The following EYS variants were observed in gnomAD, a reference collection of about 807,000 sequenced individuals.
The protein encoded by EYS is EGF-like photoreceptor maintenance factor, also known as protein eyes shut homolog.
EYS carries 250 observed loss-of-function variants against 282.1 expected under a neutral mutation model. That is an observed-to-expected ratio of 0.89 (90% confidence interval 0.80 to 0.98). The LOEUF is 0.98. Among genes scored for constraint, EYS ranks in the 50% least tolerant of loss-of-function variants. The pLI is 0.00. For synonymous variants in EYS, 1,355 were observed against 1,282.9 expected, an observed-to-expected ratio of 1.06 and a Z score of -1.20; for missense variants, 4,016 against 3,709.0, an observed-to-expected ratio of 1.08 and a Z score of -2.15.
chr6:64,919,234 C>T (rs898365790), intron 15 of EYS, among the ~76,000 whole-genome samples: 1 of 151,864 alleles, frequency 6.6e-6, no homozygotes, highest in Non-Finnish European at 1.5e-5. Context: ...TGCAGTGGCG[C>T]GTTCTCGGCT....
intron 31 of EYS, among the ~76,000 whole-genome samples, chr6:64,190,671 G>C (rs1164403375): frequency 6.6e-6 from 1 of 152,112 alleles, no homozygotes; most frequent in African/African-American, 2.4e-5. Context: ...CGATGAGACT[G>C]GAATCCAGGT....
chr6:64,666,478 C>T (rs1016839497), intron 22 of EYS, among the ~76,000 whole-genome samples: 1 of 152,232 alleles, frequency 6.6e-6, no homozygotes, highest in Non-Finnish European at 1.5e-5. Flanking sequence ...GTTCCCATGA[C>T]ATTCCCATTC....
chr6:65,078,535 A>C (rs1774127971), intron 12 of EYS, among the ~76,000 whole-genome samples: 1 of 152,094 alleles, frequency 6.6e-6, no homozygotes, highest in South Asian at 2.1e-4. Flanking sequence ...AACCTAAGCC[A>C]CTGAAGGTAT....
intron 2 of EYS, among the ~76,000 whole-genome samples, chr6:65,601,192 CTAAATACATTAAGAT>C (rs1037185302): frequency 6.6e-6 from 1 of 151,684 alleles, no homozygotes; most frequent in Non-Finnish European, 1.5e-5. Context: ...CAAGCATAGC[CTAAATACATTAAGAT>C]TAAATACATT....
chr6:63,992,574 A>G (rs1164273738), intron 34 of EYS, among the ~76,000 whole-genome samples: 3 of 151,820 alleles, frequency 2.0e-5, no homozygotes, highest in Non-Finnish European at 4.4e-5. Context: ...TAAAATGTAA[A>G]TGTACTGCTA....
chr6:64,180,764 A>G (rs898124099), intron 31 of EYS, among the ~76,000 whole-genome samples: 1 of 152,268 alleles, frequency 6.6e-6, no homozygotes. Flanking sequence ...AAGATTCCAA[A>G]AAAAGATCTT....
chr6:64,992,652 T>C (rs72875962), intron 14 of EYS, among the ~76,000 whole-genome samples: 10,241 of 152,032 alleles, frequency 0.067, 438 homozygotes, highest in East Asian at 0.13. Flanking sequence ...GAATTTTTCC[T>C]TTCTTTAGGC....
chr6:65,457,024 T>C (rs1227551617), intron 5 of EYS, among the ~76,000 whole-genome samples: 3 of 152,076 alleles, frequency 2.0e-5, no homozygotes, highest in Non-Finnish European at 4.4e-5. Flanking sequence ...AGGCATAGCT[T>C]TGTGATTGGT....
chr6:64,627,229 T>C (rs969352623), intron 22 of EYS, among the ~76,000 whole-genome samples: 25 of 152,116 alleles, frequency 1.6e-4, no homozygotes, highest in African/African-American at 6.0e-4. Flanking sequence ...TGAGCCCAGT[T>C]GGGAAAATAG....
At chr6:63,919,951 C>T (rs1264424956) in intron 35 of EYS, among the ~76,000 whole-genome samples, 2 of 152,140 alleles carry the variant, frequency 1.3e-5, no homozygotes, top group Non-Finnish European at 2.9e-5. Flanking sequence ...ACGTAAATTG[C>T]GTAAATCAAG....
intron 12 of EYS, among the ~76,000 whole-genome samples, chr6:65,125,610 A>C (rs991202987): frequency 2.6e-5 from 4 of 152,294 alleles, no homozygotes; most frequent in African/African-American, 9.6e-5. Flanking sequence ...GAATCCGACC[A>C]AAATTTTTGA....
intron 29 of EYS, among the ~76,000 whole-genome samples, chr6:64,309,035 G>A (rs935709818): frequency 1.3e-5 from 2 of 151,892 alleles, no homozygotes; most frequent in Admixed American, 6.6e-5. Flanking sequence ...TTATGACTAT[G>A]TCTCCTGAAA....
At chr6:65,476,672 GATCAAGT>G (rs1267517543) in intron 5 of EYS, among the ~76,000 whole-genome samples, 4 of 152,048 alleles carry the variant, frequency 2.6e-5, no homozygotes, top group Non-Finnish European at 5.9e-5. Flanking sequence ...CACCTCCCAG[GATCAAGT>G]GATTCTCCTG....
chr6:64,255,989 C>T (rs566491630), intron 30 of EYS, among the ~76,000 whole-genome samples: 3 of 151,960 alleles, frequency 2.0e-5, no homozygotes, highest in East Asian at 3.9e-4. Flanking sequence ...TTTCCATGTG[C>T]GACTGTAAGA....
At position 64,626,133 on chromosome 6, in the gene EYS, T is replaced by G; in HGVS notation, c.3556A>C (p.Lys1186Gln). Residue 1186 changes from lysine (K) to glutamine (Q), a missense_variant, in exon 23 of 43, where the codon AAA becomes CAA. Physicochemically the swap from Lys to Gln is moderately conservative, Grantham distance 53. Coordinates refer to ENST00000503581, the MANE Select transcript of EYS (RefSeq NM_001142800.2). ...CEDHINGYVC[K>Q]CQPGWSGHHC... ...TTAAAATAATTACCTGGTTGGCATT[T>G]GCAAACATATCCATTGATGTGATCT... The G allele has an allele frequency of 6.5e-7, 1 of 1,541,050 alleles. No individual in the cohort carries two copies. The highest frequency in any genetic ancestry group is 2.5e-5 in the East Asian group (1 of 40,758).
chr6:64,706,862 G>A (rs551932262), intron 22 of EYS, among the ~76,000 whole-genome samples: 3 of 152,148 alleles, frequency 2.0e-5, no homozygotes, highest in South Asian at 4.2e-4. Context: ...TTACACCACT[G>A]GTGGGAATGT....
chr6:64,102,758 A>T (rs984951335), intron 31 of EYS, among the ~76,000 whole-genome samples: 1 of 152,182 alleles, frequency 6.6e-6, no homozygotes, highest in East Asian at 1.9e-4. Context: ...GATTATTTTG[A>T]TTGTAAAAGC....
intron 12 of EYS, among the ~76,000 whole-genome samples, chr6:65,286,817 C>A (rs1768380689): frequency 6.6e-6 from 1 of 151,490 alleles, no homozygotes; most frequent in Admixed American, 6.6e-5. Flanking sequence ...GATTTAAAAG[C>A]AGTTAATTGA....
chr6:65,171,575 T>C (rs1346865468), intron 12 of EYS, among the ~76,000 whole-genome samples: 1 of 151,456 alleles, frequency 6.6e-6, no homozygotes, highest in East Asian at 2.0e-4. Context: ...TATATTTCTT[T>C]AGTTGTGCGA....
Sources: gnomAD v4.1 joint callset for allele counts (sites outside exome capture counted in the v4.1 genomes callset) on GRCh38, gnomAD v4.1.1 for gene constraint, MANE v1.5 for transcripts, NCBI Gene and HGNC (gene_info 2026-07-23, HGNC 2026-07-21) for gene names.